GNAQ: variants seen among roughly 807,000 people sequenced by gnomAD.
The protein encoded by GNAQ is guanine nucleotide-binding protein G(q) subunit alpha.
GNAQ carries 8 observed loss-of-function variants against 43.9 expected under a neutral mutation model. That is an observed-to-expected ratio of 0.18 (90% confidence interval 0.11 to 0.33). The LOEUF is 0.33. GNAQ is among the 10% of genes least tolerant of loss of function. GNAQ has a pLI of 1.00. For synonymous variants in GNAQ, 155 were observed against 170.7 expected, an observed-to-expected ratio of 0.91 and a Z score of 0.71; for missense variants, 158 against 450.8, an observed-to-expected ratio of 0.35 and a Z score of 5.88.
intron 2 of GNAQ, among the ~76,000 whole-genome samples, chr9:77,872,014 CAT>C (rs1428925388): frequency 6.6e-6 from 1 of 152,196 alleles, no homozygotes; most frequent in African/African-American, 2.4e-5. Flanking sequence ...TAATAAGATA[CAT>C]GTTTTAGCAG....
chr9:77,902,055 T>C (rs937296574), intron 2 of GNAQ, among the ~76,000 whole-genome samples: 2 of 152,234 alleles, frequency 1.3e-5, no homozygotes, highest in African/African-American at 4.8e-5. Flanking sequence ...CATACAAATT[T>C]TGATGGGACA....
At chr9:77,827,384 A>C (rs756486) in intron 2 of GNAQ, among the ~76,000 whole-genome samples, 9,556 of 41,798 alleles carry the variant, frequency 0.23, 315 homozygotes, top group Admixed American at 0.32. Flanking sequence ...TTAAATAACT[A>C]AAAAAAAAAA....
At chr9:77,756,089 T>A (rs1825899011) in intron 5 of GNAQ, among the ~76,000 whole-genome samples, 1 of 152,222 alleles carries the variant, frequency 6.6e-6, no homozygotes, top group African/African-American at 2.4e-5. Context: ...CTTTCTCCTG[T>A]GCTGGATGCT....
intron 2 of GNAQ, among the ~76,000 whole-genome samples, chr9:77,867,954 T>A (rs1397788068): frequency 6.6e-6 from 1 of 152,216 alleles, no homozygotes; most frequent in East Asian, 1.9e-4. Flanking sequence ...ACTTGACAAA[T>A]AATTTAGCTT....
chr9:77,789,110 A>T (rs534288843), intron 5 of GNAQ, among the ~76,000 whole-genome samples: 22 of 152,308 alleles, frequency 1.4e-4, no homozygotes, highest in Non-Finnish European at 2.5e-4. Context: ...ACACAATTGT[A>T]TGGTTCTTAT....
rs149920265 is a variant in GNAQ, at chr9:77,859,764, A to C, written c.322-43994T>G. Among the ~76,000 whole-genome samples, 6 of 152,334 alleles carry C rather than the reference A, an allele frequency of 3.9e-5. No homozygotes were observed. In the East Asian group the frequency reaches 1.2e-3, roughly 29 times the overall value. On this transcript the variant is annotated intron_variant, in intron 2 of 6. Coordinates refer to ENST00000286548, the MANE Select transcript of GNAQ (RefSeq NM_002072.5). ...ACATGGTATTTTAAAGTACCTTTAG[A>C]CTAGCATCAGCCATACAGAATGCAG...
intron 2 of GNAQ, among the ~76,000 whole-genome samples, chr9:77,920,630 T>C (rs1322137238): frequency 2.0e-5 from 3 of 152,178 alleles, no homozygotes; most frequent in African/African-American, 7.2e-5. Flanking sequence ...ACTACTTAGA[T>C]ATATCCATGC....
chr9:77,846,124 A>G (rs1349771315), intron 2 of GNAQ, among the ~76,000 whole-genome samples: 2 of 152,254 alleles, frequency 1.3e-5, no homozygotes, highest in Admixed American at 1.3e-4. Flanking sequence ...CTGTTTGGCC[A>G]CGGTCTGTTG....
intron 6 of GNAQ, among the ~76,000 whole-genome samples, chr9:77,722,141 C>CT (rs398068684): frequency 2.8e-3 from 396 of 143,412 alleles, no homozygotes; most frequent in African/African-American, 5.7e-3. Flanking sequence ...ATTTTCTTTT[C>CT]TTTTTTTTTT....
intron 2 of GNAQ, among the ~76,000 whole-genome samples, chr9:77,878,233 T>C (rs1373131603): frequency 6.6e-6 from 1 of 151,874 alleles, no homozygotes; most frequent in Non-Finnish European, 1.5e-5. Context: ...GTGTTTTTTT[T>C]TTTTTTTTTG....
intron 1 of GNAQ, among the ~76,000 whole-genome samples, chr9:77,981,203 C>A (rs544697450): frequency 2.0e-5 from 3 of 152,090 alleles, no homozygotes; most frequent in Non-Finnish European, 2.9e-5. Context: ...CAATATTAAG[C>A]CTGCTTTGAA....
intron 2 of GNAQ, among the ~76,000 whole-genome samples, chr9:77,892,254 T>C (rs1230900071): frequency 2.0e-5 from 3 of 152,178 alleles, no homozygotes; most frequent in Admixed American, 6.5e-5. Flanking sequence ...TTTCCAGCCC[T>C]AGTGTGGAAC....
chr9:77,937,215 G>A (rs1313919502), intron 1 of GNAQ, among the ~76,000 whole-genome samples: 4 of 152,122 alleles, frequency 2.6e-5, no homozygotes, highest in African/African-American at 9.7e-5. Flanking sequence ...GGCCAAAGGG[G>A]CAGATCACTT....
rs1420487893 is a variant in GNAQ, at chr9:77,716,502, T to C, written c.*4821A>G. ...CTAGTAAGGGTTTCCAACAGGATGA[T>C]GGGTGAGGAATCCAGCAAGGAGTTG... is the stretch of plus-strand genomic sequence containing the variant. On this transcript the variant is annotated 3_prime_UTR_variant, in exon 7 of 7. Coordinates refer to ENST00000286548, the MANE Select transcript of GNAQ (RefSeq NM_002072.5). 4 of 232,714 alleles carry C rather than the reference T, an allele frequency of 1.7e-5. No homozygotes were observed. The highest frequency in any genetic ancestry group is 2.5e-5 in the Non-Finnish European group (3 of 117,842). 14.4% of individuals were successfully genotyped at this position (232,714 alleles called of 1,614,324 possible).
At chr9:78,015,207 C>T (rs10870007) in intron 1 of GNAQ, among the ~76,000 whole-genome samples, 44,600 of 151,982 alleles carry the variant, frequency 0.29, 6,705 homozygotes, top group South Asian at 0.44. Context: ...AAGCCCGCAG[C>T]GTTCAGTACA....
chr9:77,909,817 C>A (rs895120634), intron 2 of GNAQ, among the ~76,000 whole-genome samples: 1 of 151,860 alleles, frequency 6.6e-6, no homozygotes, highest in African/African-American at 2.4e-5. Context: ...TACATTTATA[C>A]GGGAAAAGCC....
At chr9:77,761,899 G>GC (rs1287362783) in intron 5 of GNAQ, among the ~76,000 whole-genome samples, 1 of 117,156 alleles carries the variant, frequency 8.5e-6, no homozygotes, top group Non-Finnish European at 1.9e-5. Flanking sequence ...GGAGGGAGGT[G>GC]GGGGGTCAGC....
chr9:77,890,332 C>T (rs1365941492), intron 2 of GNAQ, among the ~76,000 whole-genome samples: 5 of 152,132 alleles, frequency 3.3e-5, no homozygotes, highest in Non-Finnish European at 5.9e-5. Context: ...TAAGCTATGC[C>T]TAAGAAAGCT....
chr9:78,026,976 C>A (rs1245965692), intron 1 of GNAQ, among the ~76,000 whole-genome samples: 1 of 152,100 alleles, frequency 6.6e-6, no homozygotes, highest in South Asian at 2.1e-4. Flanking sequence ...GAGCCCTGTA[C>A]CATGGAGAAA....
Sources: allele counts gnomAD v4.1 joint callset (sites outside exome capture counted in the v4.1 genomes callset), GRCh38; gene constraint gnomAD v4.1.1; transcripts MANE v1.5; gene names NCBI Gene and HGNC (gene_info 2026-07-23, HGNC 2026-07-21).